ANKRD6: variants seen among roughly 807,000 people sequenced by gnomAD.
ANKRD6 encodes the protein ankyrin repeat domain-containing protein 6.
In ANKRD6, 56 loss-of-function variants were observed where a neutral mutation model predicts 82.3. The ratio of observed to expected loss-of-function variants is 0.68; its 90% CI spans 0.55 to 0.85. The LOEUF is 0.85. ANKRD6 is among the 40% of genes least tolerant of loss of function. The pLI is 0.00. For missense variants in ANKRD6, 852 were observed against 907.6 expected (o/e 0.94, Z 0.79); for synonymous variants, 347 against 352.1 (o/e 0.99, Z 0.16).
chr6:89,513,360 A>G (rs1780790181), intron 1 of ANKRD6, among the ~76,000 whole-genome samples: 2 of 152,308 alleles, frequency 1.3e-5, no homozygotes, highest in South Asian at 4.1e-4. Context: ...AATTTCCAGT[A>G]TCCCCCCTCC....
intron 1 of ANKRD6, 113 bp from the exon 2 acceptor site, chr6:89,566,721 A>G (rs1583323056): frequency 4.9e-6 from 2 of 406,554 alleles, no homozygotes; most frequent in Non-Finnish European, 9.1e-6. Context: ...TCCCACAGCT[A>G]CCCTCCCCTG....
chr6:89,550,066 A>G (rs2128029169), intron 1 of ANKRD6, among the ~76,000 whole-genome samples: 2 of 152,310 alleles, frequency 1.3e-5, no homozygotes, highest in Middle Eastern at 6.8e-3. Context: ...ACTGCACTCC[A>G]GCCTGAGCAA....
At chr6:89,494,336 T>C (rs1778361466) in intron 1 of ANKRD6, among the ~76,000 whole-genome samples, 1 of 152,158 alleles carries the variant, frequency 6.6e-6, no homozygotes, top group Non-Finnish European at 1.5e-5. Context: ...GATTAGATAG[T>C]AATGGGATCA....
chr6:89,475,949 G>T (rs962841934), intron 1 of ANKRD6, among the ~76,000 whole-genome samples: 2 of 152,154 alleles, frequency 1.3e-5, no homozygotes, highest in Admixed American at 1.3e-4. Flanking sequence ...TGGATTCTTG[G>T]TATGGCTATA....
chr6:89,492,165 C>G (rs577807612), intron 1 of ANKRD6, among the ~76,000 whole-genome samples: 1 of 152,296 alleles, frequency 6.6e-6, no homozygotes, highest in Non-Finnish European at 1.5e-5. Flanking sequence ...GCTTTTCCTC[C>G]CTATAAGGGC....
At chr6:89,618,993 C>T (rs915584296) in intron 9 of ANKRD6, among the ~76,000 whole-genome samples, 6 of 152,164 alleles carry the variant, frequency 3.9e-5, no homozygotes, top group Admixed American at 1.3e-4. Flanking sequence ...TTGAACACAA[C>T]CCTGCTGCAA....
At chr6:89,518,257 C>T (rs1050327279) in intron 1 of ANKRD6, among the ~76,000 whole-genome samples, 1 of 152,134 alleles carries the variant, frequency 6.6e-6, no homozygotes. Context: ...ACAAAATTAG[C>T]TGGGCGTGGT....
chr6:89,530,503 A>C (rs1457515242), intron 1 of ANKRD6, among the ~76,000 whole-genome samples: 1 of 152,110 alleles, frequency 6.6e-6, no homozygotes, highest in Non-Finnish European at 1.5e-5. Context: ...GTTTGGCCTC[A>C]TTCTGTGGTG....
At chr6:89,626,600 G>C (rs1456958445) in intron 13 of ANKRD6, among the ~76,000 whole-genome samples, 1 of 152,206 alleles carries the variant, frequency 6.6e-6, no homozygotes, top group Non-Finnish European at 1.5e-5. Context: ...TTTTCTTAAT[G>C]TTTTGAACAT....
At chr6:89,563,285 A>T (rs977002687) in intron 1 of ANKRD6, among the ~76,000 whole-genome samples, 2 of 152,266 alleles carry the variant, frequency 1.3e-5, no homozygotes, top group Admixed American at 1.3e-4. Context: ...GAGCAACAAA[A>T]ATGGGGCAGT....
Position 89,630,915 on chromosome 6 carries a change from C to T in ANKRD6, c.2095C>T (p.Gln699Ter). 1 of 1,611,882 alleles carries T rather than the reference C, an allele frequency of 6.2e-7. No individual in the cohort carries two copies. The highest frequency in any genetic ancestry group is 8.5e-7 in the Non-Finnish European group (1 of 1,178,958). ...ACGAAGCCAAGCCAATCAGAAAGCC[C>T]AGCAAGATAAGGCTACATTGAAGGA... ...EARSQANQKAQQDKATLKEHI... is the reference protein window; with the variant it reads ...EARSQANQKA The change falls in exon 16 of 16, where the codon CAG becomes TAG. Residue 699 changes from glutamine (Q) to a stop codon, truncating the protein, a stop_gained. Transcript: ENST00000339746. LOFTEE classifies it high-confidence loss of function.
At chr6:89,503,362 C>G (rs1447353308) in intron 1 of ANKRD6, among the ~76,000 whole-genome samples, 4 of 152,144 alleles carry the variant, frequency 2.6e-5, no homozygotes, top group African/African-American at 9.7e-5. Flanking sequence ...CATTAGAGGA[C>G]AGAAGGCCAT....
At chr6:89,472,900 G>A (rs1037475614) in intron 1 of ANKRD6, among the ~76,000 whole-genome samples, 1 of 152,144 alleles carries the variant, frequency 6.6e-6, no homozygotes, top group African/African-American at 2.4e-5. Flanking sequence ...CATGGTCACT[G>A]TCCTTGCTCT....
chr6:89,452,840 G>A lies in ANKRD6; in HGVS notation c.-144+19465G>A, dbSNP rs770977403. Among the ~76,000 whole-genome samples the A allele has an allele frequency of 5.3e-5, 8 of 152,264 alleles. No homozygotes were observed. In the East Asian group the frequency reaches 9.6e-4, roughly 18 times the overall value. ...GAGTGTAAACCTGGCGGCCAGGAAG[G>A]CCTGGGTTCTGATTTCATGTCAGAC... On this transcript the variant is annotated intron_variant, in intron 1 of 15. Transcript: ENST00000339746.
intron 1 of ANKRD6, among the ~76,000 whole-genome samples, chr6:89,439,641 T>C (rs1399139502): frequency 6.6e-6 from 1 of 152,224 alleles, no homozygotes; most frequent in Admixed American, 6.5e-5. Context: ...CATTGGGCTG[T>C]TCTACCTAAG....
chr6:89,533,100 C>T (rs1783386365), intron 1 of ANKRD6, among the ~76,000 whole-genome samples: 1 of 152,074 alleles, frequency 6.6e-6, no homozygotes. Flanking sequence ...TGTTCTTGAA[C>T]TCCTGACCTC....
chr6:89,453,751 TTTTTATTTA>T (rs1773160798), intron 1 of ANKRD6, among the ~76,000 whole-genome samples: 1 of 105,086 alleles, frequency 9.5e-6, no homozygotes, highest in African/African-American at 4.6e-5. Flanking sequence ...ATTTTTGTAT[TTTTTATTTA>T]TTTATTTATT....
intron 13 of ANKRD6, 57 bp from the exon 14 acceptor site, chr6:89,627,526 G>A: frequency 6.4e-7 from 1 of 1,555,298 alleles, no homozygotes; most frequent in Non-Finnish European, 8.8e-7. Flanking sequence ...GAGCTGAGAA[G>A]CCAGGGCTCA....
At chr6:89,559,219 G>A (rs926134583) in intron 1 of ANKRD6, among the ~76,000 whole-genome samples, 1 of 152,140 alleles carries the variant, frequency 6.6e-6, no homozygotes, top group African/African-American at 2.4e-5. Flanking sequence ...ACAAGCTCCA[G>A]CTGCAGTTGT....
Sources: allele counts gnomAD v4.1 joint callset (sites outside exome capture counted in the v4.1 genomes callset), GRCh38; gene constraint gnomAD v4.1.1; transcripts MANE v1.5; gene names NCBI Gene and HGNC (gene_info 2026-07-23, HGNC 2026-07-21).